Variants in SANBR observed in about 807,000 individuals in gnomAD.
The protein encoded by SANBR is SANT and BTB domain regulator of class switch recombination.
Under a neutral mutation model 101.8 loss-of-function variants are expected in SANBR, and 77 were observed. The ratio of observed to expected loss-of-function variants is 0.76; its 90% CI spans 0.63 to 0.91. The LOEUF is 0.91. SANBR is among the 40% of genes least tolerant of loss of function. SANBR has a pLI of 0.00. For missense variants in SANBR, 875 were observed against 853.0 expected, an observed-to-expected ratio of 1.03 and a Z score of -0.32; for synonymous variants, 279 against 274.7, an observed-to-expected ratio of 1.02 and a Z score of -0.15.
intron 8 of SANBR, among the ~76,000 whole-genome samples, chr2:61,084,156 G>A (rs1177649454): frequency 2.0e-5 from 3 of 151,978 alleles, no homozygotes; most frequent in South Asian, 2.1e-4. Flanking sequence ...GGTTTGCTGC[G>A]TTGCCCAGCC....
intron 6 of SANBR, 98 bp from the exon 7 acceptor site, chr2:61,081,354 T>C: frequency 1.7e-6 from 2 of 1,179,508 alleles, no homozygotes; most frequent in Middle Eastern, 2.4e-4. Context: ...TAAATTATTC[T>C]TATTCCAGTA....
At chr2:61,102,721 G>A (rs1665257) in intron 12 of SANBR, among the ~76,000 whole-genome samples, 91,688 of 151,486 alleles carry the variant, frequency 0.61, 28,671 homozygotes, top group African/African-American at 0.76. Context: ...TATTTTTATC[G>A]GAGACAGGGT....
At chr2:61,066,769 A>G (rs926484286) in intron 1 of SANBR, among the ~76,000 whole-genome samples, 7 of 152,268 alleles carry the variant, frequency 4.6e-5, no homozygotes, top group East Asian at 1.9e-4. Context: ...GTAGACCTCT[A>G]TCTGGTGTGG....
exon 22 of SANBR, chr2:61,137,903 A>G (rs1054069229): frequency 2.0e-5 from 3 of 152,214 alleles, no homozygotes; most frequent in African/African-American, 4.8e-5. Context: ...CATACTATAC[A>G]TATCCTCATG....
Position 61,118,066 on chromosome 2 carries a change from A to C in SANBR, c.1978A>C (p.Lys660Gln), listed in dbSNP as rs201607139. ...GACTGAAATTACAGGGCACCTAATA[A>C]AAATGAGATTGGGGGATCTGGACCG... ...RMTEITGHLI[K>Q]MRLGDLDRVK... Residue 660 changes from lysine (K) to glutamine (Q), a missense_variant, in exon 20 of 22, where the codon AAA becomes CAA. By Grantham distance (53) the Lys-to-Gln change is moderately conservative. Coordinates refer to ENST00000402291, the MANE Select transcript of SANBR (RefSeq NM_001129993.3). 8.1e-6 allele frequency: 13 copies of C among 1,613,928 alleles called. No homozygotes were observed. In the East Asian group the frequency reaches 2.7e-4, roughly 33 times the overall value.
Position 61,077,368 on chromosome 2 carries a change from C to A in SANBR, c.670+210C>A, listed in dbSNP as rs376881396. On this transcript the variant is annotated intron_variant, in intron 6 of 21. Coordinates refer to ENST00000402291, the MANE Select transcript of SANBR (RefSeq NM_001129993.3). ...GAACAGATCTCTAGATCAGCAGTTC[C>A]CAATGTATGGTGTATGGACCAGTGG... Among the ~76,000 whole-genome samples the A allele has an allele frequency of 7.2e-5, 11 of 152,080 alleles. No homozygotes were observed. The East Asian group carries it at 1.7e-3, about 24-fold the overall frequency.
intron 14 of SANBR, 22 bp downstream of exon 14, chr2:61,106,684 A>G: frequency 7.5e-7 from 1 of 1,328,620 alleles, no homozygotes; most frequent in Non-Finnish European, 1.1e-6. Flanking sequence ...TTTTTCACTT[A>G]TTCTTTATTT....
chr2:61,113,483 A>G (rs1264265672), intron 16 of SANBR, among the ~76,000 whole-genome samples: 1 of 152,142 alleles, frequency 6.6e-6, no homozygotes, highest in Non-Finnish European at 1.5e-5. Context: ...CCATTTATAT[A>G]GGACTTCTTT....
chr2:61,110,572 G>T (rs1043916595), intron 16 of SANBR, among the ~76,000 whole-genome samples: 8 of 152,190 alleles, frequency 5.3e-5, no homozygotes, highest in Non-Finnish European at 8.8e-5. Flanking sequence ...CCAGCTATTT[G>T]GGAGGCTGAG....
chr2:61,124,297 C>T (rs1198292869), downstream of SANBR: 1 of 944,776 alleles, frequency 1.1e-6, no homozygotes, highest in African/African-American at 1.8e-5. Context: ...TGGAAAGTCT[C>T]TTTATCTGAA....
intron 13 of SANBR, among the ~76,000 whole-genome samples, chr2:61,106,218 C>T (rs995040070): frequency 6.6e-6 from 1 of 151,434 alleles, no homozygotes; most frequent in South Asian, 2.1e-4. Context: ...ATGGTGAAAC[C>T]CCGTTTCTAC....
At chr2:61,085,291 C>G (rs1406766720) in intron 8 of SANBR, among the ~76,000 whole-genome samples, 4 of 151,870 alleles carry the variant, frequency 2.6e-5, no homozygotes, top group South Asian at 2.1e-4. Context: ...TGTTATTCAT[C>G]TTGAATTAAT....
intron 11 of SANBR, among the ~76,000 whole-genome samples, chr2:61,093,873 A>G (rs948008048): frequency 1.3e-5 from 2 of 152,248 alleles, no homozygotes; most frequent in Admixed American, 6.5e-5. Flanking sequence ...GTAGGAACCT[A>G]TAATAAACCC....
chr2:61,099,185 G>A (rs1683174915), intron 12 of SANBR, among the ~76,000 whole-genome samples: 1 of 152,240 alleles, frequency 6.6e-6, no homozygotes, highest in Admixed American at 6.5e-5. Context: ...GTCCATGCAG[G>A]AGCAGGACCT....
intron 8 of SANBR, among the ~76,000 whole-genome samples, chr2:61,085,400 C>T (rs573228147): frequency 3.8e-4 from 58 of 152,118 alleles, no homozygotes; most frequent in African/African-American, 1.2e-3. Context: ...ACCATCCTTT[C>T]CCCCACTGAA....
At chr2:61,081,847 C>T (rs879462598) in intron 7 of SANBR, among the ~76,000 whole-genome samples, 3 of 152,090 alleles carry the variant, frequency 2.0e-5, no homozygotes, top group Non-Finnish European at 4.4e-5. Flanking sequence ...CGGGGTTTTG[C>T]TTTGTTGCCT....
At chr2:61,131,374 G>T (rs985460313) in intron 20 of SANBR, among the ~76,000 whole-genome samples, 1 of 151,922 alleles carries the variant, frequency 6.6e-6, no homozygotes, top group Non-Finnish European at 1.5e-5. Flanking sequence ...TCAATATGAA[G>T]AAATCAACTT....
intron 16 of SANBR, among the ~76,000 whole-genome samples, chr2:61,111,115 C>G (rs10208957): frequency 6.2e-4 from 94 of 152,140 alleles, no homozygotes; most frequent in African/African-American, 2.0e-3. Context: ...ATGCTGCAGC[C>G]AGGCGCAGTG....
In SANBR at chr2:61,108,303, T is replaced by C. The variant is rs368871932; in HGVS notation, c.1612-14T>C. On this transcript the variant is annotated splice_polypyrimidine_tract_variant and intron_variant, in intron 14 of 21. Coordinates refer to ENST00000402291, the MANE Select transcript of SANBR (RefSeq NM_001129993.3). The stretch of plus-strand genomic sequence containing the variant: ...TAAATGCAGATTTATTAATCTCTTA[T>C]TCCTGTCTTGTAGTTCTTGTCATTG... 1.6e-5 allele frequency: 25 copies of C among 1,544,142 alleles called. No homozygotes were observed. In the East Asian group the frequency reaches 3.3e-4, roughly 20 times the overall value.
Sources: gnomAD v4.1 joint callset for allele counts (sites outside exome capture counted in the v4.1 genomes callset) on GRCh38, gnomAD v4.1.1 for gene constraint, MANE v1.5 for transcripts, NCBI Gene and HGNC (gene_info 2026-07-23, HGNC 2026-07-21) for gene names.